Variants in RFTN1 observed in about 807,000 individuals in gnomAD.
The protein encoded by RFTN1 is raftlin.
Under a neutral mutation model 46.5 loss-of-function variants are expected in RFTN1, and 26 were observed. That is an observed-to-expected ratio of 0.56 (90% confidence interval 0.41 to 0.78). The LOEUF is 0.78. RFTN1 is among the 30% of genes least tolerant of loss of function. RFTN1 has a pLI of 0.00. For missense variants in RFTN1, 693 were observed against 718.7 expected (o/e 0.96, Z 0.41); for synonymous variants, 261 against 284.2 (o/e 0.92, Z 0.82).
At chr3:16,386,186 C>T (rs920047653) in intron 4 of RFTN1, among the ~76,000 whole-genome samples, 1 of 134,996 alleles carries the variant, frequency 7.4e-6, no homozygotes, top group Non-Finnish European at 1.6e-5. Context: ...TCTGTGCATA[C>T]AGAAATGATT....
In RFTN1 at chr3:16,466,925, T is replaced by A. The variant is rs769570194; in HGVS notation, c.145+26800A>T. ...AAGGGAGGGAGGATAAAAAGGAAGG[T>A]CACTCTGATTGAAGAGGAGATGGTT... On this transcript the variant is annotated intron_variant, in intron 2 of 9. Coordinates refer to ENST00000334133, the MANE Select transcript of RFTN1 (RefSeq NM_015150.2). This position sits in a 1 kb window ranked among gnomAD's most constrained non-coding sequence, Gnocchi z 5.6. 7.2e-5 allele frequency among the ~76,000 whole-genome samples: 11 copies of A among 152,134 alleles called. No individual in the cohort carries two copies. The highest frequency in any genetic ancestry group is 1.5e-4 in the Non-Finnish European group (10 of 68,036).
At chr3:16,369,992 A>G in intron 6 of RFTN1, 84 bp downstream of exon 6, 2 of 1,247,064 alleles carry the variant, frequency 1.6e-6, no homozygotes, top group South Asian at 1.2e-5. Flanking sequence ...TGAATGAAGC[A>G]GACTCTGAAG....
In RFTN1 at chr3:16,457,715, C is replaced by T. The variant is rs926286102; in HGVS notation, c.146-23678G>A. Among the ~76,000 whole-genome samples, 2 of 152,094 alleles carry T rather than the reference C, an allele frequency of 1.3e-5. No homozygotes were observed. Among genetic ancestry groups the T allele is most frequent in the African/African-American group, 2.4e-5 (1 of 41,408 alleles). ...GTGGAGCAGGGAATAAGTATACACA[C>T]AACTATTAGACAAAGGAGACTTTTT... On this transcript the variant is annotated intron_variant, in intron 2 of 9. Transcript: ENST00000334133. The surrounding 1 kb of genome is among the most constrained non-coding windows in gnomAD (Gnocchi z 4.2).
At chr3:16,323,231 T>C (rs1348540782) in intron 9 of RFTN1, 145 bp downstream of exon 9, 14 of 627,742 alleles carry the variant, frequency 2.2e-5, no homozygotes, top group Non-Finnish European at 3.7e-5. Flanking sequence ...TGAGATGTGA[T>C]TCGGGTTGCC....
chr3:16,396,150 G>T (rs533130760), intron 4 of RFTN1, among the ~76,000 whole-genome samples: 1 of 151,956 alleles, frequency 6.6e-6, no homozygotes, highest in Non-Finnish European at 1.5e-5. Flanking sequence ...ATAAAAGAAA[G>T]AAAAATCAAA....
chr3:16,475,981 T>C lies in RFTN1; in HGVS notation c.145+17744A>G, dbSNP rs1374543159. On this transcript the variant is annotated intron_variant, in intron 2 of 9. Coordinates refer to ENST00000334133, the MANE Select transcript of RFTN1 (RefSeq NM_015150.2). The surrounding 1 kb of genome is among the most constrained non-coding windows in gnomAD (Gnocchi z 4.2). ...TACTGCATGAAGCATAGACACATCA[T>C]AGGCAGAAACAAAGCTGTCCTGCTG... Among the ~76,000 whole-genome samples the C allele has an allele frequency of 3.9e-5, 6 of 152,242 alleles. No homozygotes were observed. The East Asian group carries it at 5.8e-4, about 15-fold the overall frequency.
chr3:16,503,097 C>T (rs2076740250), intron 1 of RFTN1, among the ~76,000 whole-genome samples: 1 of 152,140 alleles, frequency 6.6e-6, no homozygotes, highest in African/African-American at 2.4e-5. Context: ...CCCCACTCCT[C>T]CAACTCCCAC....
intron 2 of RFTN1, among the ~76,000 whole-genome samples, chr3:16,456,256 T>C (rs2075902439): frequency 6.6e-6 from 1 of 152,176 alleles, no homozygotes; most frequent in Non-Finnish European, 1.5e-5. Context: ...GCTGCCTTAT[T>C]AACAATTACA....
rs911618676 is a variant in RFTN1, at chr3:16,448,752, T to C, written c.146-14715A>G. Among the ~76,000 whole-genome samples, 2 of 152,164 alleles carry C rather than the reference T, an allele frequency of 1.3e-5. No homozygotes were observed. Among genetic ancestry groups the C allele is most frequent in the African/African-American group, 4.8e-5 (2 of 41,442 alleles). ...GCGTTCCCGACCTTCTTCTGCCCCA[T>C]TGGCAGGCCCCAAACATCCTCCTGA... On this transcript the variant is annotated intron_variant, in intron 2 of 9. Transcript: ENST00000334133. The surrounding 1 kb of genome is among the most constrained non-coding windows in gnomAD (Gnocchi z 4.1).
chr3:16,316,957 C>T lies in RFTN1; in HGVS notation c.1608G>A (p.Val536=), dbSNP rs2068459849. 6.2e-7 allele frequency: 1 copy of T among 1,614,054 alleles called. No individual in the cohort carries two copies. Residue 536 remains valine (V), a synonymous_variant, in exon 10 of 10, where the codon GTG becomes GTA. Coordinates refer to ENST00000334133, the MANE Select transcript of RFTN1 (RefSeq NM_015150.2). This position sits in a 1 kb window ranked among gnomAD's most constrained non-coding sequence, Gnocchi z 4.5. ...LCGVGVEGEA[V]QNGPASHSRA... ...TGCTGTGGCTGGCAGGACCATTCTG[C>T]ACAGCCTCACCCTCCACACCCACCC...
intron 9 of RFTN1, among the ~76,000 whole-genome samples, chr3:16,319,014 C>T (rs1340651089): frequency 1.3e-5 from 2 of 152,200 alleles, no homozygotes; most frequent in Non-Finnish European, 1.5e-5. Context: ...TCAGCATGAC[C>T]GTGGCTGCCT....
rs1173961951 is a variant in RFTN1 at position 16,448,388 on chromosome 3, A to G, written c.146-14351T>C. On this transcript the variant is annotated intron_variant, in intron 2 of 9. Transcript: ENST00000334133. This position sits in a 1 kb window ranked among gnomAD's most constrained non-coding sequence, Gnocchi z 4.1. ...AAAACATGATCCCTTGTTGACTTTTATGGAGGTGCCAATTTAATTCCTTTT... is the reference window on the plus strand; with the variant it reads ...AAAACATGATCCCTTGTTGACTTTTGTGGAGGTGCCAATTTAATTCCTTTT... Among the ~76,000 whole-genome samples the G allele has an allele frequency of 6.6e-6, 1 of 152,100 alleles. No individual in the cohort carries two copies. The highest frequency in any genetic ancestry group is 1.5e-5 in the Non-Finnish European group (1 of 68,002).
intron 2 of RFTN1, among the ~76,000 whole-genome samples, chr3:16,493,100 G>A (rs1012215990): frequency 1.3e-5 from 2 of 152,232 alleles, no homozygotes; most frequent in African/African-American, 4.8e-5. Flanking sequence ...GAGGAGAGAA[G>A]GCAAACCTTC....
intron 2 of RFTN1, among the ~76,000 whole-genome samples, chr3:16,461,516 A>G (rs1380009888): frequency 6.6e-6 from 1 of 152,218 alleles, no homozygotes. Context: ...CTAATTGAAC[A>G]CACTATCACA....
At chr3:16,436,639 T>C (rs942906185) in intron 2 of RFTN1, among the ~76,000 whole-genome samples, 1 of 152,218 alleles carries the variant, frequency 6.6e-6, no homozygotes, top group Non-Finnish European at 1.5e-5. Flanking sequence ...TTATCCCATG[T>C]AAAGTGTGCA....
At chr3:16,415,430 TACACACACACACAC>T (rs1553589390) in intron 3 of RFTN1, among the ~76,000 whole-genome samples, 6 of 114,302 alleles carry the variant, frequency 5.2e-5, no homozygotes, top group East Asian at 2.8e-4. Context: ...TATATATATA[TACACACACACACAC>T]ACATATATAC....
At chr3:16,319,873 A>C (rs949075135) in intron 9 of RFTN1, among the ~76,000 whole-genome samples, 1 of 152,192 alleles carries the variant, frequency 6.6e-6, no homozygotes, top group African/African-American at 2.4e-5. Context: ...AAGGCAGGCA[A>C]GTCCAGCCTG....
At chr3:16,393,362 T>A (rs2074394177) in intron 4 of RFTN1, among the ~76,000 whole-genome samples, 2 of 152,092 alleles carry the variant, frequency 1.3e-5, no homozygotes, top group South Asian at 4.1e-4. Context: ...GGACCAATAT[T>A]CACTAACTAC....
rs1270174019 is a variant in RFTN1 at position 16,329,902 on chromosome 3, C to T, written c.1147-3026G>A. ...GGCTGCATCTCGGGCCAGGTTTTCTCTGCGGGCACCCAGAGCTGCGAGACA... is the reference window on the plus strand; with the variant it reads ...GGCTGCATCTCGGGCCAGGTTTTCTTTGCGGGCACCCAGAGCTGCGAGACA... On this transcript the variant is annotated intron_variant, in intron 7 of 9. Transcript: ENST00000334133. This position sits in a 1 kb window ranked among gnomAD's most constrained non-coding sequence, Gnocchi z 4.5. Among the ~76,000 whole-genome samples, 1 of 152,152 alleles carries T rather than the reference C, an allele frequency of 6.6e-6. No individual in the cohort carries two copies. Among genetic ancestry groups the T allele is most frequent in the African/African-American group, 2.4e-5 (1 of 41,428 alleles).
Sources: allele counts gnomAD v4.1 joint callset (sites outside exome capture counted in the v4.1 genomes callset), GRCh38; gene constraint gnomAD v4.1.1; non-coding constraint Gnocchi (gnomAD v3.1); transcripts MANE v1.5; gene names NCBI Gene and HGNC (gene_info 2026-07-23, HGNC 2026-07-21).